DNAH17: variants seen among roughly 807,000 people sequenced by gnomAD.
DNAH17 encodes dynein axonemal heavy chain 17.
DNAH17 carries 376 observed loss-of-function variants against 485.6 expected under a neutral mutation model. The observed-to-expected ratio is 0.77, with a 90% CI of 0.71 to 0.84. The LOEUF (loss-of-function observed/expected upper bound fraction) is 0.84, where lower values mean the gene tolerates loss of function less well. Among genes scored for constraint, DNAH17 ranks in the 40% least tolerant of loss-of-function variants. The pLI is 0.00. For missense variants in DNAH17, 6,370 were observed against 5,839.3 expected (o/e 1.09, Z -2.96); for synonymous variants, 3,031 against 2,405.9 (o/e 1.26, Z -7.60).
chr17:78,514,282 G>A (rs996476580), intron 26 of DNAH17, among the ~76,000 whole-genome samples: 12 of 152,042 alleles, frequency 7.9e-5, no homozygotes, highest in Non-Finnish European at 1.0e-4. Context: ...TGAGGCAGGC[G>A]GATCATGAGG....
intron 35 of DNAH17, chr17:78,500,939 A>C (rs768002433): frequency 1.2e-4 from 45 of 388,306 alleles, no homozygotes; most frequent in Non-Finnish European, 1.8e-4. Context: ...TCTGCTCATG[A>C]GGGTCCATAA....
intron 19 of DNAH17, 24 bp downstream of exon 19, chr17:78,537,275 C>T (rs370015030): frequency 5.4e-5 from 83 of 1,548,142 alleles, no homozygotes; most frequent in Admixed American, 2.2e-4. Flanking sequence ...ACCCTGTGTA[C>T]GGCCAGAAGA....
At chr17:78,557,498 G>C (rs2143616261) in intron 14 of DNAH17, among the ~76,000 whole-genome samples, 1 of 151,624 alleles carries the variant, frequency 6.6e-6, no homozygotes, top group Non-Finnish European at 1.5e-5. Context: ...CACCAGCTGG[G>C]CTTGGTGGTA....
At chr17:78,546,073 C>T (rs778022773) in intron 16 of DNAH17, among the ~76,000 whole-genome samples, 3 of 152,002 alleles carry the variant, frequency 2.0e-5, no homozygotes, top group Non-Finnish European at 2.9e-5. Flanking sequence ...CTCCCAGGCT[C>T]AAAAGTGATC....
At chr17:78,531,774 A>G (rs1310299206) in intron 20 of DNAH17, among the ~76,000 whole-genome samples, 1 of 152,228 alleles carries the variant, frequency 6.6e-6, no homozygotes, top group Non-Finnish European at 1.5e-5. Flanking sequence ...TCTAAGCAGC[A>G]TATATTGGGG....
intron 20 of DNAH17, among the ~76,000 whole-genome samples, chr17:78,531,276 CTT>C (rs2091229322): frequency 2.0e-5 from 3 of 150,904 alleles, no homozygotes; most frequent in African/African-American, 7.3e-5. Context: ...TGAGTTGATC[CTT>C]TTGTCATTAC....
chr17:78,459,508 G>T (rs8071890), intron 60 of DNAH17, among the ~76,000 whole-genome samples: 193 of 152,342 alleles, frequency 1.3e-3, no homozygotes, highest in African/African-American at 4.4e-3. Flanking sequence ...GACGGTATTC[G>T]TGTGTGCAAT....
intron 14 of DNAH17, among the ~76,000 whole-genome samples, chr17:78,556,959 G>T (rs1472883934): frequency 1.3e-5 from 2 of 152,200 alleles, no homozygotes; most frequent in Admixed American, 1.3e-4. Flanking sequence ...TCCCGACTCG[G>T]CTTCCAGGGC....
In DNAH17 at chr17:78,458,047, G is replaced by A. The variant is rs570319319; in HGVS notation, c.9977+518C>T. ...TCGAACTCCTGACCTCCAGTGATCCGCCTGCCTCGGCCTCCCAAACTGCTG... is the reference window on the plus strand; with the variant it reads ...TCGAACTCCTGACCTCCAGTGATCCACCTGCCTCGGCCTCCCAAACTGCTG... On this transcript the variant is annotated intron_variant, in intron 62 of 80. Transcript: ENST00000389840. 2.0e-5 allele frequency among the ~76,000 whole-genome samples: 3 copies of A among 151,522 alleles called. No homozygotes were observed. The South Asian group carries it at 6.3e-4, about 32-fold the overall frequency.
At position 78,551,755 on chromosome 17, in the gene DNAH17, A is replaced by AG; in HGVS notation, c.2288-118dup. ...AGGGCAGGCGAATCACGAGGTCGGGAGTTCGAGACCAGCCTGGGCAACATG... is the reference window on the plus strand; with the variant it reads ...AGGGCAGGCGAATCACGAGGTCGGGAGGTTCGAGACCAGCCTGGGCAACATG... On this transcript the variant is annotated intron_variant, in intron 15 of 80. Transcript: ENST00000389840. The AG allele has an allele frequency of 3.4e-6, 3 of 892,804 alleles. No individual in the cohort carries two copies. In the South Asian group the frequency reaches 4.4e-5, roughly 13 times the overall value. 55.3% of individuals were successfully genotyped at this position (892,804 alleles called of 1,614,324 possible). A position where few individuals can be genotyped will look rare whatever the true frequency, so the allele number is the denominator to read the frequency against.
chr17:78,575,951 C>G (rs964616150), intron 1 of DNAH17, among the ~76,000 whole-genome samples: 1 of 152,174 alleles, frequency 6.6e-6, no homozygotes, highest in Non-Finnish European at 1.5e-5. Context: ...GCCTTGGAGG[C>G]GAGTTCTGCA....
chr17:78,440,232 G>A lies in DNAH17; in HGVS notation c.11677+819C>T, dbSNP rs2087016980. ...CTACAGCTGTGAGCCACTGCACCTG[G>A]CCGACTTCATGCTTTTTTTTTTTTT... On this transcript the variant is annotated intron_variant, in intron 72 of 80. Transcript: ENST00000389840. Among the ~76,000 whole-genome samples, 3 of 144,530 alleles carry A rather than the reference G, an allele frequency of 2.1e-5. No homozygotes were observed. The South Asian group carries it at 6.6e-4, about 32-fold the overall frequency. 94.8% of individuals were successfully genotyped at this position (144,530 alleles called of 152,430 possible). A position where few individuals can be genotyped will look rare whatever the true frequency, so the allele number is the denominator to read the frequency against.
Position 78,554,137 on chromosome 17 carries a change from G to A in DNAH17, c.2179-1332C>T, listed in dbSNP as rs577673318. 2.4e-4 allele frequency among the ~76,000 whole-genome samples: 36 copies of A among 152,188 alleles called. No homozygotes were observed. In the South Asian group the frequency reaches 6.4e-3, roughly 27 times the overall value. On this transcript the variant is annotated intron_variant, in intron 14 of 80. Transcript: ENST00000389840. ...TTATACAACAGAAAACCCAGGATCT[G>A]CAGAGAAACTATTCAAGTTGTTAAT... is the stretch of plus-strand genomic sequence containing the variant.
chr17:78,571,108 T>C (rs1323684814), intron 5 of DNAH17, 75 bp from the exon 6 acceptor site: 17 of 1,403,138 alleles, frequency 1.2e-5, no homozygotes, highest in South Asian at 4.9e-5. Context: ...TGCGGCTCCA[T>C]GTGCTGAGAC....
rs2090436513 is a variant in DNAH17, at chr17:78,504,914, T to C, written c.4956+379A>G. ...CAGGGCTTTTTTTTTTTTTTTTTTT[T>C]TTTTTTTTTGAGACGGAGTCTCACT... On this transcript the variant is annotated intron_variant, in intron 31 of 80. Transcript: ENST00000389840. Among the ~76,000 whole-genome samples, 2 of 142,250 alleles carry C rather than the reference T, an allele frequency of 1.4e-5. 1 individual carries two copies. The highest frequency in any genetic ancestry group is 5.3e-5 in the African/African-American group (2 of 37,636). 93.3% of individuals were successfully genotyped at this position (142,250 alleles called of 152,430 possible). A position where few individuals can be genotyped will look rare whatever the true frequency, so the allele number is the denominator to read the frequency against.
In DNAH17 at chr17:78,458,613, C is replaced by CA. The variant is rs771687267; in HGVS notation, c.9928dup (p.Cys3310LeufsTer31). ...GTTCGTGGCATCGGCCTCTTGCTGA[C>CA]ACTTGATTTTCTCAGCTGTTGCTTT... On this transcript the variant is annotated frameshift_variant, in exon 62 of 81. Coordinates refer to ENST00000389840, the MANE Select transcript of DNAH17 (RefSeq NM_173628.4). LOFTEE classifies it high-confidence loss of function. The CA allele has an allele frequency of 5.0e-6, 8 of 1,613,916 alleles. No individual in the cohort carries two copies. The South Asian group carries it at 8.8e-5, about 18-fold the overall frequency.
intron 31 of DNAH17, 106 bp downstream of exon 31, chr17:78,505,187 T>C (rs1252627230): frequency 6.8e-7 from 1 of 1,464,062 alleles, no homozygotes; most frequent in Non-Finnish European, 9.2e-7. Context: ...GGCTGGCAGC[T>C]GCACAGGGTG....
chr17:78,534,041 C>T (rs1387711699), intron 19 of DNAH17, among the ~76,000 whole-genome samples: 3 of 152,196 alleles, frequency 2.0e-5, no homozygotes, highest in Non-Finnish European at 4.4e-5. Flanking sequence ...CAGGAAGAGC[C>T]GGCCTTTCCC....
rs1489347220 is a variant in DNAH17, at chr17:78,490,549, C to T, written c.6818+150G>A. ...ACACCATTTATTCCCAGGTCTCTCA[C>T]CCCTTCACTGCTGTGACACTGGTGC... On this transcript the variant is annotated intron_variant, in intron 44 of 80. Transcript: ENST00000389840. 1.3e-5 allele frequency: 15 copies of T among 1,176,608 alleles called. No individual in the cohort carries two copies. The Admixed American group carries it at 2.9e-4, about 23-fold the overall frequency. 72.9% of individuals were successfully genotyped at this position (1,176,608 alleles called of 1,614,324 possible).
Sources: allele counts gnomAD v4.1 joint callset (sites outside exome capture counted in the v4.1 genomes callset), GRCh38; gene constraint gnomAD v4.1.1; transcripts MANE v1.5; gene names NCBI Gene and HGNC (gene_info 2026-07-23, HGNC 2026-07-21).